Variants in REV1 observed in about 807,000 individuals in gnomAD.
REV1 encodes the protein translesion synthesis protein REV1.
Under a neutral mutation model 137.4 loss-of-function variants are expected in REV1, and 42 were observed. That is an observed-to-expected ratio of 0.31 (90% CI 0.24 to 0.40). The LOEUF (loss-of-function observed/expected upper bound fraction) is 0.40, where lower values mean the gene tolerates loss of function less well. REV1 is among the 10% of genes least tolerant of loss of function. The pLI is 1.00. For synonymous variants in REV1, 524 were observed against 519.2 expected, an observed-to-expected ratio of 1.01 and a Z score of -0.12; for missense variants, 1,282 against 1,490.1, an observed-to-expected ratio of 0.86 and a Z score of 2.30.
At chr2:99,408,990 T>C (rs1389741200) in intron 14 of REV1, among the ~76,000 whole-genome samples, 1 of 152,320 alleles carries the variant, frequency 6.6e-6, no homozygotes, top group East Asian at 1.9e-4. Flanking sequence ...CATCTGCTTA[T>C]AGAAATAACC....
intron 4 of REV1, among the ~76,000 whole-genome samples, chr2:99,447,034 T>C (rs554760902): frequency 3.3e-5 from 5 of 152,148 alleles, no homozygotes; most frequent in Non-Finnish European, 5.9e-5. Flanking sequence ...ATATCATTGA[T>C]AGACAGTGGT....
At chr2:99,452,923 T>A (rs10172752) in intron 3 of REV1, among the ~76,000 whole-genome samples, 5 of 152,104 alleles carry the variant, frequency 3.3e-5, no homozygotes, top group African/African-American at 1.2e-4. Context: ...TGCTAGTTAC[T>A]TGGATTTCAG....
chr2:99,467,605 G>A (rs1684950556), intron 1 of REV1, among the ~76,000 whole-genome samples: 1 of 152,154 alleles, frequency 6.6e-6, no homozygotes, highest in African/African-American at 2.4e-5. Context: ...AACAGTGCTA[G>A]GAGAGAAAAA....
intron 19 of REV1, 195 bp downstream of exon 19, chr2:99,403,500 T>C: frequency 1.4e-6 from 1 of 733,760 alleles, no homozygotes; most frequent in Non-Finnish European, 2.2e-6. Context: ...GTTTAAATCC[T>C]GAAAGTACAG....
chr2:99,406,402 G>C lies in REV1; in HGVS notation c.2537C>G (p.Pro846Arg), dbSNP rs1676303974. Residue 846 changes from proline (P) to arginine (R), a missense_variant, in exon 16 of 23, where the codon CCT becomes CGT. By Grantham distance (103) the Pro-to-Arg change is moderately radical. This residue lies in a region of REV1 where 372 missense variants were observed against 482.3 expected (regional missense o/e 0.77). Transcript: ENST00000258428. ...SRPSVQSSHF[P>R]SGSYSVRDVF... ...ATCACGGACAGAGTATGACCCACTA[G>C]GAAAGTGGCTTGACTGAACTGATGG... is the stretch of plus-strand genomic sequence containing the variant. 2 of 1,613,692 alleles carry C rather than the reference G, an allele frequency of 1.2e-6. No individual in the cohort carries two copies. The highest frequency in any genetic ancestry group is 1.7e-6 in the Non-Finnish European group (2 of 1,179,778).
At position 99,434,452 on chromosome 2, in the gene REV1, T is replaced by C. The variant is rs1468195823; in HGVS notation, c.1322-4A>G. ...CTTGTAACAGCCACTGGTTTTCCTG[T>C]GAGGAAAATATTAAATTATTTCTGT... On this transcript the variant is annotated splice_polypyrimidine_tract_variant and splice_region_variant and intron_variant, in intron 7 of 22. Coordinates refer to ENST00000258428, the MANE Select transcript of REV1 (RefSeq NM_016316.4). 4.4e-6 allele frequency: 7 copies of C among 1,578,008 alleles called. No individual in the cohort carries two copies. The highest frequency in any genetic ancestry group is 1.4e-5 in the African/African-American group (1 of 73,308).
At chr2:99,421,421 G>A in intron 11 of REV1, 78 bp downstream of exon 11, 1 of 1,419,454 alleles carries the variant, frequency 7.0e-7, no homozygotes, top group African/African-American at 1.4e-5. Flanking sequence ...CTAATAAAAA[G>A]AAAAACTCCA....
At chr2:99,477,680 T>C (rs1686137419) in intron 1 of REV1, among the ~76,000 whole-genome samples, 2 of 152,242 alleles carry the variant, frequency 1.3e-5, no homozygotes, top group African/African-American at 4.8e-5. Flanking sequence ...CCTGAAAATG[T>C]ATAACAAACA....
chr2:99,425,196 C>A (rs28382916), intron 9 of REV1, among the ~76,000 whole-genome samples: 1 of 152,168 alleles, frequency 6.6e-6, no homozygotes. Context: ...AACGTATATA[C>A]AAACAGTTGC....
chr2:99,442,778 GATAA>G (rs1302069752), intron 4 of REV1, among the ~76,000 whole-genome samples: 8 of 152,054 alleles, frequency 5.3e-5, no homozygotes, highest in Admixed American at 1.3e-4. Flanking sequence ...GGTTTTCCAA[GATAA>G]ATAAACTGAA....
Position 99,449,410 on chromosome 2 carries a change from G to A in REV1, c.276C>T (p.Ala92=). ...TAATTTTGGCATTGGGAAGATTTGT[G>A]GCAATAATATGTGTTGTTTTAGATC... The part of the protein sequence containing the change: ...YSRSKTTHII[A]TNLPNAKIKE... Residue 92 remains alanine (A), a synonymous_variant, in exon 4 of 23, where the codon GCC becomes GCT. Coordinates refer to ENST00000258428, the MANE Select transcript of REV1 (RefSeq NM_016316.4). 1 of 1,573,158 alleles carries A rather than the reference G, an allele frequency of 6.4e-7. No homozygotes were observed. Among genetic ancestry groups the A allele is most frequent in the Non-Finnish European group, 8.6e-7 (1 of 1,160,836 alleles).
intron 4 of REV1, among the ~76,000 whole-genome samples, chr2:99,445,932 T>G (rs958344234): frequency 5.9e-5 from 9 of 152,188 alleles, no homozygotes; most frequent in African/African-American, 2.2e-4. Flanking sequence ...CAAAAACTAA[T>G]TATTCAGAAG....
intron 9 of REV1, among the ~76,000 whole-genome samples, chr2:99,425,304 C>T (rs1019349452): frequency 6.6e-6 from 1 of 152,100 alleles, no homozygotes; most frequent in Non-Finnish European, 1.5e-5. Flanking sequence ...TGCAAAATCA[C>T]ATGCATTTTT....
intron 11 of REV1, among the ~76,000 whole-genome samples, chr2:99,421,132 G>A (rs1248433233): frequency 6.6e-6 from 1 of 152,122 alleles, no homozygotes; most frequent in African/African-American, 2.4e-5. Flanking sequence ...CATGTGCCGG[G>A]AGGCTGAAGT....
chr2:99,421,480 A>C lies in REV1; in HGVS notation c.1831+19T>G. 1 of 1,607,220 alleles carries C rather than the reference A, an allele frequency of 6.2e-7. No homozygotes were observed. Reference sequence around the variant, plus strand: ...TCTCAAAGCAACTCTTTTGAGTACAAGATAAGCTAGATACTAACCAATTCC... The same window carrying C: ...TCTCAAAGCAACTCTTTTGAGTACACGATAAGCTAGATACTAACCAATTCC... On this transcript the variant is annotated intron_variant, in intron 11 of 22. Coordinates refer to ENST00000258428, the MANE Select transcript of REV1 (RefSeq NM_016316.4).
chr2:99,452,340 T>G (rs1301376686), intron 3 of REV1, among the ~76,000 whole-genome samples: 1 of 151,228 alleles, frequency 6.6e-6, no homozygotes. Context: ...AGTGGATACC[T>G]TGAGCCAGAG....
intron 1 of REV1, among the ~76,000 whole-genome samples, chr2:99,474,776 C>G (rs983816007): frequency 3.3e-5 from 5 of 152,158 alleles, no homozygotes; most frequent in African/African-American, 1.2e-4. Flanking sequence ...GTAGCAGGAA[C>G]CTGTAATCCC....
chr2:99,479,473 T>G (rs1460697994), intron 1 of REV1, among the ~76,000 whole-genome samples: 12 of 151,720 alleles, frequency 7.9e-5, no homozygotes, highest in Admixed American at 7.9e-4. Context: ...GTTTTCAAGG[T>G]GAGTAAAATG....
chr2:99,403,957 C>CATT, intron 18 of REV1, 142 bp from the exon 19 acceptor site: 1 of 979,316 alleles, frequency 1.0e-6, no homozygotes, highest in Non-Finnish European at 1.5e-6. Flanking sequence ...AATATCAAAG[C>CATT]TGATTAAATC....
Sources: allele counts gnomAD v4.1 joint callset (sites outside exome capture counted in the v4.1 genomes callset), GRCh38; gene constraint gnomAD v4.1.1; regional missense constraint gnomAD v4.1.1; transcripts MANE v1.5; gene names NCBI Gene and HGNC (gene_info 2026-07-23, HGNC 2026-07-21).